Variants in EXT1 observed in about 807,000 individuals in gnomAD.
EXT1 encodes the protein exostosin-1.
EXT1 carries 20 observed loss-of-function variants against 82.5 expected under a neutral mutation model. That is an observed-to-expected ratio of 0.24 (90% CI 0.17 to 0.35). The LOEUF is 0.35. Among genes scored for constraint, EXT1 ranks in the 10% least tolerant of loss-of-function variants. The probability of loss-of-function intolerance (pLI) is 1.00; values close to 1 mark genes in which losing one functional copy is unlikely to be tolerated. For missense variants in EXT1, 757 were observed against 936.5 expected (o/e 0.81, Z 2.50); for synonymous variants, 348 against 350.8 (o/e 0.99, Z 0.09).
chr8:118,069,604 A>G (rs939276051), intron 1 of EXT1, among the ~76,000 whole-genome samples: 2 of 152,240 alleles, frequency 1.3e-5, no homozygotes, highest in Non-Finnish European at 2.9e-5. Flanking sequence ...AAGAGGTGTT[A>G]CAGAAATCAA....
intron 1 of EXT1, among the ~76,000 whole-genome samples, chr8:117,956,450 C>CT (rs1401024217): frequency 6.6e-6 from 1 of 151,748 alleles, no homozygotes; most frequent in Non-Finnish European, 1.5e-5. Flanking sequence ...ATCTTAAACT[C>CT]TAAAAAAAAA....
At chr8:117,913,745 G>T (rs1050214419) in intron 1 of EXT1, among the ~76,000 whole-genome samples, 2 of 152,172 alleles carry the variant, frequency 1.3e-5, no homozygotes, top group African/African-American at 4.8e-5. Flanking sequence ...TCTATAATAA[G>T]TAATAAGGGT....
At chr8:118,074,651 G>C (rs1043479641) in intron 1 of EXT1, among the ~76,000 whole-genome samples, 1 of 152,196 alleles carries the variant, frequency 6.6e-6, no homozygotes, top group African/African-American at 2.4e-5. Context: ...TCCGGCCAAG[G>C]GGTGAGGGGC....
intron 1 of EXT1, among the ~76,000 whole-genome samples, chr8:118,041,052 A>G (rs1281419399): frequency 6.6e-6 from 1 of 152,232 alleles, no homozygotes; most frequent in Non-Finnish European, 1.5e-5. Context: ...AATGTACAAA[A>G]TACAAAGCCA....
intron 1 of EXT1, among the ~76,000 whole-genome samples, chr8:117,963,776 C>T (rs1430974984): frequency 6.6e-6 from 1 of 152,206 alleles, no homozygotes; most frequent in Non-Finnish European, 1.5e-5. Context: ...AGGCATGAGC[C>T]ACTGCACCCG....
At chr8:118,101,866 T>A (rs1201042454) in intron 1 of EXT1, among the ~76,000 whole-genome samples, 4 of 151,974 alleles carry the variant, frequency 2.6e-5, no homozygotes, top group Non-Finnish European at 5.9e-5. Flanking sequence ...GACAGGAAGT[T>A]CTATATTGTG....
intron 1 of EXT1, among the ~76,000 whole-genome samples, chr8:118,019,094 A>G (rs1816053479): frequency 1.5e-5 from 1 of 68,090 alleles, no homozygotes; most frequent in Admixed American, 1.8e-4. Context: ...GGAAAAAAAG[A>G]AAAAAAAAAA....
chr8:117,891,958 T>C lies in EXT1; in HGVS notation c.963-54757A>G, dbSNP rs575969942. On this transcript the variant is annotated intron_variant, in intron 1 of 10. Transcript: ENST00000378204. ...AGTAGCTGGGATTACAGGCACAGGCTACCACACCCGGCTAATTTTTGTATT... is the reference window on the plus strand; with the variant it reads ...AGTAGCTGGGATTACAGGCACAGGCCACCACACCCGGCTAATTTTTGTATT... Among the ~76,000 whole-genome samples, 12 of 152,062 alleles carry C rather than the reference T, an allele frequency of 7.9e-5. No individual in the cohort carries two copies. The East Asian group carries it at 2.1e-3, about 27-fold the overall frequency.
intron 1 of EXT1, among the ~76,000 whole-genome samples, chr8:117,904,801 A>G (rs1813513087): frequency 6.6e-6 from 1 of 151,734 alleles, no homozygotes; most frequent in African/African-American, 2.4e-5. Flanking sequence ...GGTTGGGGAG[A>G]GGGAAGTAGG....
intron 1 of EXT1, among the ~76,000 whole-genome samples, chr8:117,893,426 A>G (rs1304080950): frequency 6.6e-6 from 1 of 152,224 alleles, no homozygotes; most frequent in Non-Finnish European, 1.5e-5. Flanking sequence ...GTTCCATGCC[A>G]AGGCCATATG....
chr8:117,911,070 G>GT (rs1411219999), intron 1 of EXT1, among the ~76,000 whole-genome samples: 2 of 152,136 alleles, frequency 1.3e-5, no homozygotes, highest in Admixed American at 1.3e-4. Context: ...ACAATAACAC[G>GT]TGCTCTCCAA....
chr8:118,007,954 G>C (rs1038128449), intron 1 of EXT1, among the ~76,000 whole-genome samples: 1 of 152,174 alleles, frequency 6.6e-6, no homozygotes, highest in African/African-American at 2.4e-5. Flanking sequence ...AGGTGGAAGG[G>C]AGACTGTTTT....
At chr8:117,815,798 C>T (rs991373955) in intron 7 of EXT1, among the ~76,000 whole-genome samples, 7 of 152,030 alleles carry the variant, frequency 4.6e-5, no homozygotes, top group African/African-American at 1.2e-4. Context: ...GGCTTGGTGG[C>T]GCATGCCTGT....
chr8:117,935,422 G>A lies in EXT1; in HGVS notation c.963-98221C>T, dbSNP rs28357294. Among the ~76,000 whole-genome samples, 103 of 151,380 alleles carry A rather than the reference G, an allele frequency of 6.8e-4. 2 individuals are homozygous for A. In the East Asian group the frequency reaches 0.019, roughly 28 times the overall value. ...TGCAGCCTCGACCTCCCAGGTTCAC[G>A]GGATCCTCCTGCCTCAGCCTCCCAA... On this transcript the variant is annotated intron_variant, in intron 1 of 10. Transcript: ENST00000378204.
intron 1 of EXT1, among the ~76,000 whole-genome samples, chr8:118,094,268 C>T (rs563093420): frequency 1.2e-4 from 18 of 152,262 alleles, no homozygotes; most frequent in East Asian, 9.6e-4. Flanking sequence ...TTTGTACTCT[C>T]GGTTGAACAA....
intron 1 of EXT1, among the ~76,000 whole-genome samples, chr8:117,972,118 C>G (rs974118168): frequency 4.7e-5 from 7 of 149,520 alleles, no homozygotes; most frequent in African/African-American, 1.7e-4. Flanking sequence ...CCATTGCAGT[C>G]CAGCCCGGGC....
At chr8:117,852,241 C>T (rs534637262) in intron 1 of EXT1, among the ~76,000 whole-genome samples, 1 of 152,248 alleles carries the variant, frequency 6.6e-6, no homozygotes, top group Admixed American at 6.5e-5. Context: ...TTCCATAATG[C>T]TTTTTGGAGA....
At chr8:117,907,558 CTT>C (rs1813565638) in intron 1 of EXT1, among the ~76,000 whole-genome samples, 1 of 152,146 alleles carries the variant, frequency 6.6e-6, no homozygotes, top group Non-Finnish European at 1.5e-5. Context: ...AGTAGTGACA[CTT>C]AAAAATGGAA....
intron 1 of EXT1, among the ~76,000 whole-genome samples, chr8:117,897,591 C>CTCTT (rs775608794): frequency 7.7e-5 from 7 of 90,690 alleles, no homozygotes; most frequent in African/African-American, 3.1e-4. Context: ...CTTCTTTTCT[C>CTCTT]TTTTTTTTTT....
Sources: gnomAD v4.1 joint callset for allele counts (sites outside exome capture counted in the v4.1 genomes callset) on GRCh38, gnomAD v4.1.1 for gene constraint, MANE v1.5 for transcripts, NCBI Gene and HGNC (gene_info 2026-07-23, HGNC 2026-07-21) for gene names.